Variants in RBMS3 observed in about 807,000 individuals in gnomAD.
RBMS3 encodes RNA-binding motif, single-stranded-interacting protein 3.
RBMS3 carries 27 observed loss-of-function variants against 66.8 expected under a neutral mutation model. The observed-to-expected ratio is 0.40, with a 90% CI of 0.30 to 0.56. The LOEUF (loss-of-function observed/expected upper bound fraction) is 0.56. RBMS3 is among the 20% of genes least tolerant of loss of function. RBMS3 has a pLI of 0.40. For missense variants in RBMS3, 513 were observed against 549.5 expected (o/e 0.93, Z 0.66); for synonymous variants, 188 against 183.0 (o/e 1.03, Z -0.22).
rs114800592 is a variant in RBMS3, at chr3:29,909,505, G to A, written c.939+9750G>A. On this transcript the variant is annotated intron_variant, in intron 10 of 14. Coordinates refer to ENST00000383767, the MANE Select transcript of RBMS3 (RefSeq NM_001003793.3). ...TATCTTCCAAGTAGAGTTCCTGAAG[G>A]CTTCCTGCTGTCTGAGATCCCTGCC... is the stretch of plus-strand genomic sequence containing the variant. 3.8e-3 allele frequency among the ~76,000 whole-genome samples: 578 copies of A among 152,142 alleles called. 6 individuals are homozygous for A. Among genetic ancestry groups the A allele is most frequent in the African/African-American group, 0.013 (551 of 41,498 alleles).
intron 12 of RBMS3, among the ~76,000 whole-genome samples, chr3:29,983,757 G>A (rs1394866958): frequency 1.3e-5 from 2 of 152,130 alleles, no homozygotes; most frequent in Admixed American, 1.3e-4. Context: ...CTTCTGGCTT[G>A]TAGGGTTTCT....
At position 29,334,853 on chromosome 3, in the gene RBMS3, C is replaced by G. The variant is rs117481520; in HGVS notation, c.75+53097C>G. Among the ~76,000 whole-genome samples, 89 of 152,262 alleles carry G rather than the reference C, an allele frequency of 5.8e-4. No homozygotes were observed. The East Asian group carries it at 0.016, about 27-fold the overall frequency. On this transcript the variant is annotated intron_variant, in intron 1 of 14. Coordinates refer to ENST00000383767, the MANE Select transcript of RBMS3 (RefSeq NM_001003793.3). ...GTTCTTTATATGCAAAGCTGTCAGA[C>G]AGATTGAGTGTATAATTCTTCTTCG...
At chr3:29,458,698 G>A (rs1240505695) in intron 2 of RBMS3, among the ~76,000 whole-genome samples, 1 of 152,000 alleles carries the variant, frequency 6.6e-6, no homozygotes, top group Non-Finnish European at 1.5e-5. Context: ...GGATACAGAG[G>A]GCCAACTGTA....
chr3:29,405,289 C>T (rs369258774), intron 1 of RBMS3, among the ~76,000 whole-genome samples: 3 of 152,158 alleles, frequency 2.0e-5, no homozygotes, highest in Non-Finnish European at 2.9e-5. Flanking sequence ...ACCATGTTTA[C>T]GCTTTTGAAT....
At chr3:29,631,221 A>G (rs2049270686) in intron 4 of RBMS3, among the ~76,000 whole-genome samples, 1 of 151,934 alleles carries the variant, frequency 6.6e-6, no homozygotes, top group Non-Finnish European at 1.5e-5. Flanking sequence ...CATAAAAATA[A>G]GAACATTCCT....
Position 29,535,710 on chromosome 3 carries a change from CTTTTTTTTTTTTTTT to C in RBMS3, c.307+47228_307+47242del, listed in dbSNP as rs149022808. 3.1e-3 allele frequency among the ~76,000 whole-genome samples: 122 copies of C among 39,756 alleles called. 1 individual carries two copies. The highest frequency in any genetic ancestry group is 9.7e-3 in the African/African-American group (96 of 9,868). 26.1% of individuals were successfully genotyped at this position (39,756 alleles called of 152,430 possible). A position where few individuals can be genotyped will look rare whatever the true frequency, so the allele number is the denominator to read the frequency against. ...GAGTTCAATGATTGAGATCATTGCT[CTTTTTTTTTTTTTTT>C]TTTTTTTTTTTTTTTTGCTGGTAAA... On this transcript the variant is annotated intron_variant, in intron 3 of 14. Coordinates refer to ENST00000383767, the MANE Select transcript of RBMS3 (RefSeq NM_001003793.3).
At chr3:29,888,078 A>AC (rs1191177082) in intron 8 of RBMS3, among the ~76,000 whole-genome samples, 1 of 151,724 alleles carries the variant, frequency 6.6e-6, no homozygotes, top group Non-Finnish European at 1.5e-5. Flanking sequence ...TGCTGCAGGT[A>AC]CATCCGTTAA....
intron 7 of RBMS3, among the ~76,000 whole-genome samples, chr3:29,881,695 A>G (rs994121451): frequency 6.6e-6 from 1 of 152,140 alleles, no homozygotes; most frequent in African/African-American, 2.4e-5. Flanking sequence ...TTTATTGATA[A>G]TTACTGTATT....
intron 4 of RBMS3, among the ~76,000 whole-genome samples, chr3:29,609,944 C>T (rs1374025233): frequency 2.6e-5 from 4 of 152,076 alleles, no homozygotes; most frequent in Admixed American, 1.3e-4. Context: ...TTGAGGTGCA[C>T]GTAGAGCTTT....
At chr3:29,908,922 C>T (rs964122713) in intron 10 of RBMS3, among the ~76,000 whole-genome samples, 2 of 151,732 alleles carry the variant, frequency 1.3e-5, no homozygotes, top group African/African-American at 4.8e-5. Context: ...AATTATATAA[C>T]CTAAAAAATA....
chr3:29,752,703 T>C (rs549497386), intron 5 of RBMS3, among the ~76,000 whole-genome samples: 1 of 152,320 alleles, frequency 6.6e-6, no homozygotes, highest in East Asian at 1.9e-4. Flanking sequence ...AGTTTGCAAA[T>C]AGTTTCTTTC....
chr3:29,499,610 C>T (rs1230870205), intron 3 of RBMS3, among the ~76,000 whole-genome samples: 1 of 152,132 alleles, frequency 6.6e-6, no homozygotes, highest in African/African-American at 2.4e-5. Flanking sequence ...TTAATTTCTA[C>T]TTCTCTTAAG....
At chr3:29,446,648 A>G (rs2041842339) in intron 2 of RBMS3, among the ~76,000 whole-genome samples, 1 of 152,144 alleles carries the variant, frequency 6.6e-6, no homozygotes, top group Non-Finnish European at 1.5e-5. Flanking sequence ...TCATAATAGT[A>G]TGCTTTGATA....
At chr3:29,756,971 T>C (rs563518111) in intron 5 of RBMS3, among the ~76,000 whole-genome samples, 12 of 152,176 alleles carry the variant, frequency 7.9e-5, no homozygotes, top group Non-Finnish European at 1.5e-4. Context: ...TTTATATAGG[T>C]TTCATTAGGT....
intron 4 of RBMS3, among the ~76,000 whole-genome samples, chr3:29,723,062 G>A (rs533784013): frequency 2.0e-5 from 3 of 151,694 alleles, no homozygotes; most frequent in Middle Eastern, 3.4e-3. Flanking sequence ...TGCAACCTCC[G>A]CCTCCCAGGT....
chr3:29,956,414 C>T (rs554435645), intron 12 of RBMS3, among the ~76,000 whole-genome samples: 2 of 152,118 alleles, frequency 1.3e-5, no homozygotes, highest in Non-Finnish European at 2.9e-5. Flanking sequence ...TTCTCTCCAA[C>T]CTACCTTTAG....
At chr3:29,776,340 A>C (rs142384165) in intron 6 of RBMS3, among the ~76,000 whole-genome samples, 55 of 152,018 alleles carry the variant, frequency 3.6e-4, no homozygotes, top group African/African-American at 1.3e-3. Context: ...TTTTAACTTG[A>C]ACAAGTTATT....
chr3:29,517,857 GGT>G (rs2044706605), intron 3 of RBMS3, among the ~76,000 whole-genome samples: 1 of 152,010 alleles, frequency 6.6e-6, no homozygotes, highest in Non-Finnish European at 1.5e-5. Context: ...CAAGGAAATG[GGT>G]ACATACTGTG....
intron 1 of RBMS3, among the ~76,000 whole-genome samples, chr3:29,352,194 G>A (rs2036957874): frequency 6.6e-6 from 1 of 151,810 alleles, no homozygotes; most frequent in Non-Finnish European, 1.5e-5. Context: ...AAAATTTTCT[G>A]CAACTGCGTC....
Sources: allele counts gnomAD v4.1 joint callset (sites outside exome capture counted in the v4.1 genomes callset), GRCh38; gene constraint gnomAD v4.1.1; transcripts MANE v1.5; gene names NCBI Gene and HGNC (gene_info 2026-07-23, HGNC 2026-07-21).